The following KHDRBS2 variants were observed in gnomAD, a reference collection of about 807,000 sequenced individuals.
The protein encoded by KHDRBS2 is KH RNA binding domain containing, signal transduction associated 2.
KHDRBS2 carries 26 observed loss-of-function variants against 44.3 expected under a neutral mutation model. The ratio of observed to expected loss-of-function variants is 0.59; its 90% CI spans 0.43 to 0.81. KHDRBS2 has a LOEUF of 0.81. Among genes scored for constraint, KHDRBS2 ranks in the 40% least tolerant of loss-of-function variants. The pLI is 0.00. For synonymous variants in KHDRBS2, 194 were observed against 151.1 expected, an observed-to-expected ratio of 1.28 and a Z score of -2.08; for missense variants, 476 against 433.1, an observed-to-expected ratio of 1.10 and a Z score of -0.88.
At chr6:61,931,427 A>G (rs1810025928) in intron 4 of KHDRBS2, among the ~76,000 whole-genome samples, 1 of 152,012 alleles carries the variant, frequency 6.6e-6, no homozygotes, top group African/African-American at 2.4e-5. Flanking sequence ...AATATTAAAG[A>G]TGTTAAGAAT....
At chr6:61,867,189 C>T (rs1405194190) in intron 6 of KHDRBS2, among the ~76,000 whole-genome samples, 4 of 152,190 alleles carry the variant, frequency 2.6e-5, no homozygotes, top group African/African-American at 7.2e-5. Context: ...CACACTTCCA[C>T]GTGCCAGGGG....
At chr6:61,880,181 T>C (rs1022974035) in intron 6 of KHDRBS2, among the ~76,000 whole-genome samples, 4 of 151,850 alleles carry the variant, frequency 2.6e-5, no homozygotes, top group African/African-American at 9.7e-5. Flanking sequence ...AATTGAAGAC[T>C]CTCGAACAGA....
At chr6:61,558,388 C>T in the KHDRBS2 span, among the ~76,000 whole-genome samples, 1 of 151,706 alleles carries the variant, frequency 6.6e-6, no homozygotes, top group African/African-American at 2.4e-5. Context: ...ATGGCAAAAC[C>T]CTGTCTCTAA....
chr6:61,775,562 A>G (rs1781815085), intron 6 of KHDRBS2, among the ~76,000 whole-genome samples: 1 of 152,016 alleles, frequency 6.6e-6, no homozygotes, highest in Admixed American at 6.6e-5. Context: ...AGAGAATAAA[A>G]TACTTAGGAA....
At chr6:62,102,545 G>C (rs1351380463) in intron 2 of KHDRBS2, among the ~76,000 whole-genome samples, 1 of 152,216 alleles carries the variant, frequency 6.6e-6, no homozygotes, top group Non-Finnish European at 1.5e-5. Context: ...AGAATGATGA[G>C]TGGGGTGGCA....
chr6:62,063,157 A>G (rs1406307464), intron 2 of KHDRBS2, among the ~76,000 whole-genome samples: 1 of 105,896 alleles, frequency 9.4e-6, no homozygotes. Context: ...AACCAAAAAG[A>G]GTCCAGGACC....
chr6:61,785,766 A>G (rs1408571137), intron 6 of KHDRBS2, among the ~76,000 whole-genome samples: 2 of 152,124 alleles, frequency 1.3e-5, no homozygotes, highest in African/African-American at 2.4e-5. Flanking sequence ...AAAGTTATCC[A>G]TCTCTCACCT....
chr6:62,096,049 G>A (rs1216105483), intron 2 of KHDRBS2, among the ~76,000 whole-genome samples: 1 of 151,798 alleles, frequency 6.6e-6, no homozygotes, highest in African/African-American at 2.4e-5. Context: ...TGAACCATAC[G>A]TATCCCTGGG....
intron 2 of KHDRBS2, among the ~76,000 whole-genome samples, chr6:62,106,833 GA>G (rs1803488359): frequency 6.6e-6 from 1 of 151,936 alleles, no homozygotes; most frequent in African/African-American, 2.4e-5. Context: ...CAGAACCAAA[GA>G]CAAAAACCAC....
intron 6 of KHDRBS2, among the ~76,000 whole-genome samples, chr6:61,745,367 C>A (rs1262567629): frequency 6.6e-6 from 1 of 152,134 alleles, no homozygotes; most frequent in Non-Finnish European, 1.5e-5. Flanking sequence ...AATCAGGTAG[C>A]AATCTGTTCA....
chr6:61,987,472 T>G (rs1368061812), intron 3 of KHDRBS2, among the ~76,000 whole-genome samples: 1 of 152,200 alleles, frequency 6.6e-6, no homozygotes, highest in African/African-American at 2.4e-5. Context: ...AGAGTTATAA[T>G]TTACTAAAGT....
At chr6:61,702,099 G>A (rs1274492588) in intron 7 of KHDRBS2, among the ~76,000 whole-genome samples, 2 of 151,738 alleles carry the variant, frequency 1.3e-5, no homozygotes, top group Non-Finnish European at 2.9e-5. Context: ...GATGACTAGA[G>A]CATTGGGCTA....
At chr6:62,035,245 T>G (rs1785067196) in intron 3 of KHDRBS2, among the ~76,000 whole-genome samples, 1 of 151,952 alleles carries the variant, frequency 6.6e-6, no homozygotes, top group Non-Finnish European at 1.5e-5. Context: ...AACCTATGTG[T>G]CCACCACCAG....
chr6:61,547,824 A>G, the KHDRBS2 span, among the ~76,000 whole-genome samples: 1 of 152,270 alleles, frequency 6.6e-6, no homozygotes, highest in South Asian at 2.1e-4. Flanking sequence ...TACATTTTAT[A>G]TGCATTCTTC....
intron 5 of KHDRBS2, among the ~76,000 whole-genome samples, chr6:61,896,722 T>G (rs1210815590): frequency 6.6e-6 from 1 of 152,146 alleles, no homozygotes; most frequent in Non-Finnish European, 1.5e-5. Context: ...AATTCTTTAC[T>G]TCCTCTACAT....
At chr6:61,811,609 ATC>A (rs1391181999) in intron 6 of KHDRBS2, among the ~76,000 whole-genome samples, 3 of 152,110 alleles carry the variant, frequency 2.0e-5, no homozygotes, top group African/African-American at 4.8e-5. Flanking sequence ...CTTTGCCAAC[ATC>A]TGTTATTTTT....
intron 4 of KHDRBS2, among the ~76,000 whole-genome samples, chr6:61,950,832 A>G (rs1300998205): frequency 6.6e-6 from 1 of 152,070 alleles, no homozygotes; most frequent in Non-Finnish European, 1.5e-5. Context: ...TAATAAACGT[A>G]AATATGAAAT....
chr6:62,118,182 CT>C (rs1410364165), intron 2 of KHDRBS2, among the ~76,000 whole-genome samples: 1 of 152,198 alleles, frequency 6.6e-6, no homozygotes, highest in Admixed American at 6.5e-5. Flanking sequence ...TTAATGGTGT[CT>C]TTGTCAAAAT....
chr6:61,584,218 C>G, the KHDRBS2 span, among the ~76,000 whole-genome samples: 1 of 151,760 alleles, frequency 6.6e-6, no homozygotes, highest in Non-Finnish European at 1.5e-5. Context: ...CTTTTCTTGT[C>G]CCATTGCACC....
Sources: allele counts gnomAD v4.1 joint callset (sites outside exome capture counted in the v4.1 genomes callset), GRCh38; gene constraint gnomAD v4.1.1; transcripts MANE v1.5; gene names NCBI Gene and HGNC (gene_info 2026-07-23, HGNC 2026-07-21).